Variants in NCAM1 observed in about 807,000 individuals in gnomAD.
NCAM1 encodes the protein neural cell adhesion molecule 1.
Under a neutral mutation model 109.8 loss-of-function variants are expected in NCAM1, and 14 were observed. The ratio of observed to expected loss-of-function variants is 0.13; its 90% CI spans 0.08 to 0.20. The LOEUF (loss-of-function observed/expected upper bound fraction) is 0.20, where lower values mean the gene tolerates loss of function less well. Ranked by LOEUF, NCAM1 falls within the 10% of genes least tolerant of loss-of-function variation. The pLI, the probability that NCAM1 is intolerant of heterozygous loss-of-function variation, is 1.00. For synonymous variants in NCAM1, 418 were observed against 442.9 expected (o/e 0.94, Z 0.70); for missense variants, 774 against 1,109.9 (o/e 0.70, Z 4.30).
At chr11:113,033,382 G>A (rs1345196270) in intron 1 of NCAM1, among the ~76,000 whole-genome samples, 1 of 152,186 alleles carries the variant, frequency 6.6e-6, no homozygotes, top group African/African-American at 2.4e-5. Context: ...TGGGGGTGGA[G>A]TTGGGGGTGC....
intron 1 of NCAM1, among the ~76,000 whole-genome samples, chr11:113,037,132 A>T (rs1952913180): frequency 6.6e-6 from 1 of 152,166 alleles, no homozygotes; most frequent in South Asian, 2.1e-4. Context: ...ATTAACACCC[A>T]CATCAAATCA....
At chr11:113,073,492 T>C (rs2135587577) in intron 1 of NCAM1, among the ~76,000 whole-genome samples, 1 of 152,384 alleles carries the variant, frequency 6.6e-6, no homozygotes, top group Non-Finnish European at 1.5e-5. Flanking sequence ...CATACCTCTC[T>C]GGCAGCTGCC....
intron 1 of NCAM1, among the ~76,000 whole-genome samples, chr11:113,190,925 G>A (rs1555109756): frequency 6.6e-6 from 1 of 152,186 alleles, no homozygotes; most frequent in Non-Finnish European, 1.5e-5. Flanking sequence ...GACAGCACAA[G>A]TTGAGTGGCT....
At chr11:113,052,578 G>A (rs1443607457) in intron 1 of NCAM1, among the ~76,000 whole-genome samples, 4 of 152,076 alleles carry the variant, frequency 2.6e-5, no homozygotes, top group African/African-American at 9.7e-5. Flanking sequence ...AGCATGATTT[G>A]GCTTGGCTTG....
chr11:113,139,709 A>G (rs1272702125), intron 1 of NCAM1, among the ~76,000 whole-genome samples: 1 of 152,182 alleles, frequency 6.6e-6, no homozygotes, highest in Non-Finnish European at 1.5e-5. Context: ...TATTATCTAC[A>G]GCTTTCCAAC....
intron 1 of NCAM1, among the ~76,000 whole-genome samples, chr11:113,068,010 A>T (rs1938054806): frequency 6.8e-6 from 1 of 146,916 alleles, no homozygotes; most frequent in African/African-American, 2.5e-5. Context: ...TCCTGGGTTC[A>T]CGCCATTCTC....
intron 1 of NCAM1, among the ~76,000 whole-genome samples, chr11:113,114,692 G>T (rs1940611930): frequency 6.6e-6 from 1 of 152,180 alleles, no homozygotes; most frequent in Non-Finnish European, 1.5e-5. Flanking sequence ...CTCACTCACT[G>T]CAGTGAAGCA....
intron 9 of NCAM1, among the ~76,000 whole-genome samples, chr11:113,230,918 G>A (rs1555117077): frequency 6.6e-6 from 1 of 152,168 alleles, no homozygotes; most frequent in Non-Finnish European, 1.5e-5. Flanking sequence ...TATAATTCCA[G>A]AGATTTAGGA....
At chr11:113,244,772 G>T (rs1385087142) in intron 14 of NCAM1, among the ~76,000 whole-genome samples, 3 of 151,998 alleles carry the variant, frequency 2.0e-5, no homozygotes, top group South Asian at 2.1e-4. Context: ...TCCCTGCAAG[G>T]CCCCTTTGGT....
intron 14 of NCAM1, among the ~76,000 whole-genome samples, chr11:113,235,506 C>G (rs1280089821): frequency 1.3e-5 from 2 of 152,226 alleles, no homozygotes; most frequent in Non-Finnish European, 2.9e-5. Context: ...TGCTTTTCGA[C>G]AGGCCACAGA....
chr11:113,150,732 T>TGA (rs377697755), intron 1 of NCAM1, among the ~76,000 whole-genome samples: 1 of 151,588 alleles, frequency 6.6e-6, no homozygotes. Flanking sequence ...AAAGAGAGAA[T>TGA]GAGAGAGAGA....
At position 113,260,294 on chromosome 11, in the gene NCAM1, G is replaced by C. The variant is rs1555123078; in HGVS notation, c.2102G>C (p.Arg701Thr). 6.2e-7 allele frequency: 1 copy of C among 1,613,836 alleles called. No individual in the cohort carries two copies. Among genetic ancestry groups the C allele is most frequent in the Non-Finnish European group, 8.5e-7 (1 of 1,179,812 alleles). The change falls in exon 17 of 20, where the codon AGG (arginine) becomes ACG (threonine). Residue 701 changes from arginine to threonine, a missense_variant. By Grantham distance (71) the Arg-to-Thr change is moderately conservative. This residue lies in a region of NCAM1 where 523 missense variants were observed against 784.2 expected (regional missense o/e 0.67). Transcript: ENST00000316851. Reference protein sequence around the residue: ...GKSKAAHFVFRTSAQPTAIPA... With the variant: ...GKSKAAHFVFTTSAQPTAIPA... ...TCCAAGGCGGCTCATTTTGTGTTCA[G>C]GACCTCGGCCCAGCCCACAGCCATC... is the stretch of plus-strand genomic sequence containing the variant.
At chr11:113,113,987 A>G (rs1229695371) in intron 1 of NCAM1, among the ~76,000 whole-genome samples, 2 of 152,210 alleles carry the variant, frequency 1.3e-5, no homozygotes, top group East Asian at 3.8e-4. Context: ...AGGGCTAACA[A>G]TCTGCTTTTA....
At chr11:113,189,894 A>AT (rs372672892) in intron 1 of NCAM1, among the ~76,000 whole-genome samples, 2 of 151,026 alleles carry the variant, frequency 1.3e-5, no homozygotes, top group Non-Finnish European at 1.5e-5. Flanking sequence ...AAAAAAAAAA[A>AT]CTATGCTGGA....
intron 1 of NCAM1, among the ~76,000 whole-genome samples, chr11:113,097,327 A>G (rs1939646978): frequency 6.6e-6 from 1 of 152,250 alleles, no homozygotes; most frequent in Non-Finnish European, 1.5e-5. Context: ...CACCTGCACA[A>G]ATGATAACTC....
At chr11:113,244,643 C>CTG (rs1419059273) in intron 14 of NCAM1, among the ~76,000 whole-genome samples, 1 of 103,186 alleles carries the variant, frequency 9.7e-6, no homozygotes, top group Admixed American at 1.2e-4. Context: ...AGTTTTGCTT[C>CTG]TGTGTGTGTG....
rs541459597 is a variant in NCAM1, at chr11:113,144,365, G to A, written c.53-58014G>A. On this transcript the variant is annotated intron_variant, in intron 1 of 19. Transcript: ENST00000316851. The stretch of plus-strand genomic sequence containing the variant: ...ATTAAGGTGTGCACTTAGTTTATAT[G>A]AAGCATATGATTTTGTTCTACTTCT... Among the ~76,000 whole-genome samples the A allele has an allele frequency of 2.3e-4, 35 of 152,272 alleles. No individual in the cohort carries two copies. In the South Asian group the frequency reaches 5.4e-3, roughly 24 times the overall value.
chr11:113,008,496 T>C (rs1212352361), intron 1 of NCAM1, among the ~76,000 whole-genome samples: 1 of 152,228 alleles, frequency 6.6e-6, no homozygotes, highest in African/African-American at 2.4e-5. Context: ...TTTTATTTCC[T>C]GCAAAACTCT....
chr11:113,058,735 T>C (rs1471248400), intron 1 of NCAM1, among the ~76,000 whole-genome samples: 23 of 152,338 alleles, frequency 1.5e-4, no homozygotes, highest in African/African-American at 5.1e-4. Context: ...TGCTTCTTCA[T>C]GCCTCTCATA....
Sources: gnomAD v4.1 joint callset for allele counts (sites outside exome capture counted in the v4.1 genomes callset) on GRCh38, gnomAD v4.1.1 for gene constraint, gnomAD v4.1.1 regional missense constraint, MANE v1.5 for transcripts, NCBI Gene and HGNC (gene_info 2026-07-23, HGNC 2026-07-21) for gene names.